Variants in HNRNPU observed in about 807,000 individuals in gnomAD.
HNRNPU encodes the protein heterogeneous nuclear ribonucleoprotein U.
Under a neutral mutation model 94.7 loss-of-function variants are expected in HNRNPU, and 5 were observed. The ratio of observed to expected loss-of-function variants is 0.05; its 90% CI spans 0.03 to 0.11. The LOEUF (loss-of-function observed/expected upper bound fraction) is 0.11. Among genes scored for constraint, HNRNPU ranks in the 10% least tolerant of loss-of-function variants. The pLI is 1.00. For synonymous variants in HNRNPU, 434 were observed against 381.6 expected, an observed-to-expected ratio of 1.14 and a Z score of -1.60; for missense variants, 710 against 1,049.2, an observed-to-expected ratio of 0.68 and a Z score of 4.47.
Position 244,859,265 on chromosome 1 carries a change from G to T in HNRNPU, c.1117+10C>A, listed in dbSNP as rs749904939. 2 of 1,430,566 alleles carry T rather than the reference G, an allele frequency of 1.4e-6. No homozygotes were observed. The highest frequency in any genetic ancestry group is 2.0e-6 in the Non-Finnish European group (2 of 1,013,258). The allele number at this position is 1,430,566 out of a possible 1,614,324, so 88.6% of individuals were successfully genotyped here. A position where few individuals can be genotyped will look rare whatever the true frequency, so the allele number is the denominator to read the frequency against. ...TTCATGAGCCCACATCAGTCAAAAA[G>T]AAGCTTTACCAAGTAACATTCCACT... On this transcript the variant is annotated intron_variant, in intron 5 of 13. Coordinates refer to ENST00000640218, the MANE Select transcript of HNRNPU (RefSeq NM_031844.3).
chr1:244,856,678 T>C (rs1680688855), intron 9 of HNRNPU, 50 bp downstream of exon 9: 2 of 1,606,534 alleles, frequency 1.2e-6, no homozygotes, highest in Non-Finnish European at 1.7e-6. Context: ...TCTACACCAA[T>C]CTATCTAAAT....
At chr1:244,858,664 T>TTTAAA (rs1367757210) in intron 6 of HNRNPU, 65 bp downstream of exon 6, 1 of 858,024 alleles carries the variant, frequency 1.2e-6, no homozygotes, top group East Asian at 2.5e-5. Flanking sequence ...GTAAAGCTTC[T>TTTAAA]TTAAAGTTCC....
rs1474483632 is a variant in HNRNPU, at chr1:244,851,237, C to T, written c.*3213G>A. On this transcript the variant is annotated 3_prime_UTR_variant, in exon 14 of 14. Coordinates refer to ENST00000640218, the MANE Select transcript of HNRNPU (RefSeq NM_031844.3). ...ACTTGGACTCTAAGATATGTTTATG[C>T]CTCTCTGTTTATTCTAGTTTTTTAA... 1.3e-5 allele frequency: 2 copies of T among 152,186 alleles called. No homozygotes were observed. Among genetic ancestry groups the T allele is most frequent in the Non-Finnish European group, 2.9e-5 (2 of 68,036 alleles). 9.4% of individuals were successfully genotyped at this position (152,186 alleles called of 1,614,324 possible). A position where few individuals can be genotyped will look rare whatever the true frequency, so the allele number is the denominator to read the frequency against.
chr1:244,863,601 A>G lies in HNRNPU; in HGVS notation c.691+16T>C. The G allele has an allele frequency of 4.1e-6, 6 of 1,461,436 alleles. No homozygotes were observed. Among genetic ancestry groups the G allele is most frequent in the Non-Finnish European group, 4.4e-6 (5 of 1,124,190 alleles). 90.5% of individuals were successfully genotyped at this position (1,461,436 alleles called of 1,614,324 possible). ...GCGGGCCTCCCGCCGCGCGCAACGT[A>G]CAACGCAGCACTCACCCGCCGCCGG... On this transcript the variant is annotated intron_variant, in intron 1 of 13. Coordinates refer to ENST00000640218, the MANE Select transcript of HNRNPU (RefSeq NM_031844.3).
rs150090935 is a variant in HNRNPU, at chr1:244,851,002, TCTCA to T, written c.*3444_*3447del. The T allele has an allele frequency of 9.9e-5, 15 of 152,158 alleles. No individual in the cohort carries two copies. The East Asian group carries it at 2.3e-3, about 24-fold the overall frequency. The allele number at this position is 152,158 out of a possible 1,614,324, so 9.4% of individuals were successfully genotyped here. On this transcript the variant is annotated 3_prime_UTR_variant, in exon 14 of 14. Coordinates refer to ENST00000640218, the MANE Select transcript of HNRNPU (RefSeq NM_031844.3). ...ACTTTTTTTTTTTCAAGAGACCAGGTCTCACTATGTTGCCCAGGATGGTCTCAAA... is the reference window on the plus strand; with the variant it reads ...ACTTTTTTTTTTTCAAGAGACCAGGTCTATGTTGCCCAGGATGGTCTCAAA...
Position 244,854,936 on chromosome 1 carries a change from CAATT to C in HNRNPU, c.2424+33_2424+36del, listed in dbSNP as rs1447880379. On this transcript the variant is annotated intron_variant, in intron 13 of 13. Transcript: ENST00000640218. Reference sequence around the variant, plus strand: ...TGATAAATCTTAGGAACTCAAAATACAATTAATGTACATAAAGCACATAAGAAAT... The same window carrying C: ...TGATAAATCTTAGGAACTCAAAATACAATGTACATAAAGCACATAAGAAAT... 2.1e-6 allele frequency: 3 copies of C among 1,448,226 alleles called. No individual in the cohort carries two copies. The South Asian group carries it at 3.4e-5, about 16-fold the overall frequency. 89.7% of individuals were successfully genotyped at this position (1,448,226 alleles called of 1,614,324 possible).
intron 13 of HNRNPU, 134 bp downstream of exon 13, chr1:244,854,839 C>T (rs1261275239): frequency 6.9e-6 from 5 of 727,650 alleles, no homozygotes; most frequent in Non-Finnish European, 1.2e-5. Flanking sequence ...GCTACTACTG[C>T]AAGACGATTC....
In HNRNPU at chr1:244,863,795, TTGC is replaced by T. The variant is rs1319213248; in HGVS notation, c.510_512del (p.Gln172del). The T allele has an allele frequency of 6.2e-7, 1 of 1,607,492 alleles. No individual in the cohort carries two copies. The highest frequency in any genetic ancestry group is 8.5e-7 in the Non-Finnish European group (1 of 1,178,144). Reference sequence around the variant, plus strand: ...CGGCCCCGCGCTGCTGTTGGGGCTGTTGCTGCTGCGTCGCCGGCGGTTGAGGCT... The same window carrying T: ...CGGCCCCGCGCTGCTGTTGGGGCTGTTGCTGCGTCGCCGGCGGTTGAGGCT... On this transcript the variant is annotated inframe_deletion, in exon 1 of 14. Transcript: ENST00000640218.
chr1:244,860,273 C>A (rs997035125), intron 4 of HNRNPU, 62 bp downstream of exon 4: 2 of 1,476,970 alleles, frequency 1.4e-6, no homozygotes, highest in Non-Finnish European at 1.9e-6. Flanking sequence ...GGCAATCCAG[C>A]CTAGGGAACA....
chr1:244,860,524 A>C, intron 3 of HNRNPU, 50 bp from the exon 4 acceptor site: 2 of 1,471,088 alleles, frequency 1.4e-6, no homozygotes, highest in Non-Finnish European at 1.9e-6. Context: ...ATGTAAACAT[A>C]TCTGCTATGT....
At chr1:244,862,373 T>C (rs1680857304) in intron 3 of HNRNPU, 88 bp downstream of exon 3, 2 of 892,916 alleles carry the variant, frequency 2.2e-6, no homozygotes, top group African/African-American at 1.8e-5. Flanking sequence ...CAAGTTTTGC[T>C]GCACTTAAGC....
chr1:244,857,914 A>C, intron 7 of HNRNPU, 97 bp downstream of exon 7: 14 of 1,357,834 alleles, frequency 1.0e-5, no homozygotes, highest in Non-Finnish European at 1.4e-5. Flanking sequence ...AGCACAAAGT[A>C]AATGAAACAG....
chr1:244,863,388 C>A (rs1158468691), intron 1 of HNRNPU, among the ~76,000 whole-genome samples: 1 of 145,504 alleles, frequency 6.9e-6, no homozygotes, highest in Admixed American at 6.8e-5. Context: ...GAGGCGCTGC[C>A]ACCGCCGACA....
chr1:244,856,971 T>C, intron 8 of HNRNPU, 115 bp from the exon 9 acceptor site: 1 of 859,396 alleles, frequency 1.2e-6, no homozygotes, highest in Non-Finnish European at 1.8e-6. Context: ...ATTTAAATAT[T>C]ACCTTTGTCC....
chr1:244,862,400 A>AG (rs1318465112), intron 3 of HNRNPU, 61 bp downstream of exon 3: 2 of 1,165,612 alleles, frequency 1.7e-6, no homozygotes. Context: ...ACTTCTAAAA[A>AG]AAAAAAAAAA....
intron 5 of HNRNPU, 152 bp downstream of exon 5, chr1:244,859,123 T>G (rs761235263): frequency 1.4e-5 from 8 of 584,394 alleles, no homozygotes; most frequent in Non-Finnish European, 2.1e-5. Context: ...AAATGTAGCC[T>G]GTGCCTACTA....
chr1:244,859,440 AT>A, intron 4 of HNRNPU, 66 bp from the exon 5 acceptor site: 1 of 780,006 alleles, frequency 1.3e-6, no homozygotes, highest in East Asian at 2.5e-5. Context: ...ACTCTCGCAT[AT>A]TTCATTGCGC....
At position 244,858,986 on chromosome 1, in the gene HNRNPU, T is replaced by C. The variant is rs965276619; in HGVS notation, c.1118-145A>G. 6.7e-6 allele frequency: 4 copies of C among 599,564 alleles called. No individual in the cohort carries two copies. The African/African-American group carries it at 7.5e-5, about 11-fold the overall frequency. 37.1% of individuals were successfully genotyped at this position (599,564 alleles called of 1,614,324 possible). On this transcript the variant is annotated intron_variant, in intron 5 of 13. Transcript: ENST00000640218. ...TGACACTATTACTTTTCTATCTCTGTACCAGAATTGATGGAAGTTAGGAGG... is the reference window on the plus strand; with the variant it reads ...TGACACTATTACTTTTCTATCTCTGCACCAGAATTGATGGAAGTTAGGAGG...
At position 244,856,175 on chromosome 1, in the gene HNRNPU, C is replaced by T. The variant is rs1371807090; in HGVS notation, c.1913-17G>A. ...TAAAGTTTCCTGCAGGAAACAAAGTCATATTATTAATTTAGAAACCCACCA... is the reference window on the plus strand; with the variant it reads ...TAAAGTTTCCTGCAGGAAACAAAGTTATATTATTAATTTAGAAACCCACCA... On this transcript the variant is annotated splice_polypyrimidine_tract_variant and intron_variant, in intron 10 of 13. Transcript: ENST00000640218. 6.3e-7 allele frequency: 1 copy of T among 1,587,234 alleles called. No homozygotes were observed. The highest frequency in any genetic ancestry group is 1.9e-5 in the Admixed American group (1 of 53,274).
Sources: allele counts gnomAD v4.1 joint callset (sites outside exome capture counted in the v4.1 genomes callset), GRCh38; gene constraint gnomAD v4.1.1; transcripts MANE v1.5; gene names NCBI Gene and HGNC (gene_info 2026-07-23, HGNC 2026-07-21).